The following PDE10A variants were observed in gnomAD, a reference collection of about 807,000 sequenced individuals.
PDE10A encodes cAMP and cAMP-inhibited cGMP 3',5'-cyclic phosphodiesterase 10A.
A neutral mutation model predicts 97.7 loss-of-function variants in PDE10A; 39 were observed. The observed-to-expected ratio is 0.40, with a 90% confidence interval of 0.31 to 0.52. PDE10A has a LOEUF of 0.52. Ranked by LOEUF, PDE10A falls within the 20% of genes least tolerant of loss-of-function variation. The probability of loss-of-function intolerance (pLI) is 0.56; values close to 1 mark genes in which losing one functional copy is unlikely to be tolerated. For missense variants in PDE10A, 731 were observed against 1,047.8 expected (o/e 0.70, Z 4.17); for synonymous variants, 371 against 376.8 (o/e 0.98, Z 0.18).
At chr6:165,385,337 A>T (rs1377759989) in intron 17 of PDE10A, among the ~76,000 whole-genome samples, 1 of 151,836 alleles carries the variant, frequency 6.6e-6, no homozygotes, top group Non-Finnish European at 1.5e-5. Context: ...CAATTCGGGC[A>T]TACTGAATAC....
intron 1 of PDE10A, among the ~76,000 whole-genome samples, chr6:165,645,817 G>A (rs1443024481): frequency 7.2e-6 from 1 of 139,744 alleles, no homozygotes; most frequent in Admixed American, 7.7e-5. Context: ...TCATGCCACT[G>A]TACTCTAGCC....
chr6:165,678,936 A>G (rs1790900059), intron 1 of PDE10A, among the ~76,000 whole-genome samples: 1 of 152,190 alleles, frequency 6.6e-6, no homozygotes, highest in Non-Finnish European at 1.5e-5. Flanking sequence ...CGATTCGTGT[A>G]TGTTAAGGAA....
intron 1 of PDE10A, among the ~76,000 whole-genome samples, chr6:165,608,399 TG>T (rs1240492001): frequency 1.3e-5 from 2 of 152,016 alleles, no homozygotes; most frequent in Non-Finnish European, 2.9e-5. Flanking sequence ...CTGAGAATGA[TG>T]GTTTCCAGCT....
chr6:165,910,052 T>TC (rs2128486091), intron 1 of PDE10A, among the ~76,000 whole-genome samples: 1 of 152,330 alleles, frequency 6.6e-6, no homozygotes, highest in Non-Finnish European at 1.5e-5. Context: ...AATGCAAGGC[T>TC]CGGGGATTTT....
At chr6:165,690,666 G>C (rs1269811007) in intron 1 of PDE10A, among the ~76,000 whole-genome samples, 1 of 152,212 alleles carries the variant, frequency 6.6e-6, no homozygotes, top group Non-Finnish European at 1.5e-5. Context: ...TGCACAGAAT[G>C]CTCTCAGTCC....
At chr6:165,647,424 G>C (rs1035584270) in intron 1 of PDE10A, among the ~76,000 whole-genome samples, 1 of 152,208 alleles carries the variant, frequency 6.6e-6, no homozygotes, top group Admixed American at 6.5e-5. Flanking sequence ...GGGCAGAGGT[G>C]AATTCTTTTG....
At chr6:165,965,622 C>A (rs1459761472) in intron 1 of PDE10A, among the ~76,000 whole-genome samples, 1 of 152,212 alleles carries the variant, frequency 6.6e-6, no homozygotes, top group African/African-American at 2.4e-5. Flanking sequence ...ACACTTCTGG[C>A]TATTATGCTG....
chr6:165,929,154 A>T (rs1393512613), intron 1 of PDE10A, among the ~76,000 whole-genome samples: 3 of 152,222 alleles, frequency 2.0e-5, no homozygotes, highest in African/African-American at 7.2e-5. Flanking sequence ...TTCAGTCTAC[A>T]GCCTCACATG....
intron 18 of PDE10A, among the ~76,000 whole-genome samples, chr6:165,367,661 GAA>G (rs11343819): frequency 1.9e-4 from 28 of 146,280 alleles, no homozygotes; most frequent in African/African-American, 4.7e-4. Context: ...TCAGGAGGGG[GAA>G]AAAAAAAAAG....
chr6:165,756,937 G>A (rs959963936), intron 1 of PDE10A, among the ~76,000 whole-genome samples: 1 of 150,110 alleles, frequency 6.7e-6, no homozygotes, highest in Admixed American at 6.7e-5. Flanking sequence ...CATGTCTTTT[G>A]TTCTCCCTGA....
At chr6:165,636,048 T>C (rs752759719) in intron 1 of PDE10A, among the ~76,000 whole-genome samples, 17 of 152,364 alleles carry the variant, frequency 1.1e-4, no homozygotes, top group Non-Finnish European at 2.1e-4. Flanking sequence ...GGAAATCCCT[T>C]AGCTCTTGTT....
intron 1 of PDE10A, among the ~76,000 whole-genome samples, chr6:165,825,356 C>T (rs1779707830): frequency 6.6e-6 from 1 of 151,980 alleles, no homozygotes; most frequent in Non-Finnish European, 1.5e-5. Flanking sequence ...TTTTTAATTG[C>T]ACCATAAAGG....
intron 1 of PDE10A, among the ~76,000 whole-genome samples, chr6:165,862,566 C>A (rs563930332): frequency 2.6e-5 from 4 of 152,204 alleles, no homozygotes; most frequent in African/African-American, 9.6e-5. Context: ...ACTGAAAACC[C>A]AGAAGAGCAG....
chr6:165,786,254 G>A (rs1474331827), intron 1 of PDE10A, among the ~76,000 whole-genome samples: 1 of 152,186 alleles, frequency 6.6e-6, no homozygotes, highest in Non-Finnish European at 1.5e-5. Context: ...TACACTGTGA[G>A]TGTCCCAGAA....
At chr6:165,496,422 A>G (rs1173027838) in intron 2 of PDE10A, among the ~76,000 whole-genome samples, 1 of 152,160 alleles carries the variant, frequency 6.6e-6, no homozygotes, top group African/African-American at 2.4e-5. Context: ...CCAACCATAC[A>G]TGGGTTTCTT....
intron 1 of PDE10A, among the ~76,000 whole-genome samples, chr6:165,674,934 T>C (rs1790754135): frequency 6.6e-6 from 1 of 152,044 alleles, no homozygotes; most frequent in Admixed American, 6.6e-5. Flanking sequence ...TCCACACTTC[T>C]CTCTGAGTCA....
Position 165,447,075 on chromosome 6 carries a change from A to G in PDE10A, c.1194+1853T>C, listed in dbSNP as rs148229027. Reference sequence around the variant, plus strand: ...AACTACTTCATTGAGGCCAGTGTATAAAGAAGTCTGCAAATAAAGCAAAAA... The same window carrying G: ...AACTACTTCATTGAGGCCAGTGTATGAAGAAGTCTGCAAATAAAGCAAAAA... On this transcript the variant is annotated intron_variant, in intron 5 of 21. Transcript: ENST00000539869. 4.0e-3 allele frequency among the ~76,000 whole-genome samples: 610 copies of G among 152,266 alleles called. 6 individuals are homozygous for G. Among genetic ancestry groups the G allele is most frequent in the African/African-American group, 0.014 (570 of 41,526 alleles).
chr6:165,953,402 C>T (rs926778662), intron 1 of PDE10A, among the ~76,000 whole-genome samples: 31 of 152,114 alleles, frequency 2.0e-4, no homozygotes, highest in Non-Finnish European at 4.3e-4. Context: ...ACTCACCTGA[C>T]CAACATGGTG....
chr6:165,689,059 T>C (rs1163160645), intron 1 of PDE10A, among the ~76,000 whole-genome samples: 2 of 152,244 alleles, frequency 1.3e-5, no homozygotes, highest in East Asian at 3.9e-4. Context: ...ATGCAGGATA[T>C]AAATGGAATT....
Sources: gnomAD v4.1 joint callset for allele counts (sites outside exome capture counted in the v4.1 genomes callset) on GRCh38, gnomAD v4.1.1 for gene constraint, MANE v1.5 for transcripts, NCBI Gene and HGNC (gene_info 2026-07-23, HGNC 2026-07-21) for gene names.